The following AFF3 variants were observed in gnomAD, a reference collection of about 807,000 sequenced individuals.
AFF3 encodes the protein AF4/FMR2 family member 3.
In AFF3, 32 loss-of-function variants were observed where a neutral mutation model predicts 129.7. That is an observed-to-expected ratio of 0.25 (90% confidence interval 0.19 to 0.33). AFF3 has a LOEUF of 0.33. AFF3 is among the 10% of genes least tolerant of loss of function. The pLI, the probability that AFF3 is intolerant of heterozygous loss-of-function variation, is 1.00. For missense variants in AFF3, 1,373 were observed against 1,592.0 expected, an observed-to-expected ratio of 0.86 and a Z score of 2.34; for synonymous variants, 644 against 635.4, an observed-to-expected ratio of 1.01 and a Z score of -0.20.
chr2:99,819,244 A>G (rs1259559918), intron 8 of AFF3, among the ~76,000 whole-genome samples: 1 of 152,242 alleles, frequency 6.6e-6, no homozygotes. Flanking sequence ...GCTAAGTTGT[A>G]AAGAAAACTG....
At position 99,626,615 on chromosome 2, in the gene AFF3, G is replaced by T. The variant is rs530273901; in HGVS notation, c.1184+23011C>A. 2.0e-5 allele frequency among the ~76,000 whole-genome samples: 3 copies of T among 146,920 alleles called. No homozygotes were observed. The South Asian group carries it at 6.9e-4, about 34-fold the overall frequency. Reference sequence around the variant, plus strand: ...CTTTAAGGTCAGGGGTACATGTGCAGGTTTGTTATACAGGTAAACTTATGT... The same window carrying T: ...CTTTAAGGTCAGGGGTACATGTGCATGTTTGTTATACAGGTAAACTTATGT... On this transcript the variant is annotated intron_variant, in intron 13 of 24. Transcript: ENST00000672756.
In AFF3 at chr2:99,903,177, C is replaced by T. The variant is rs116339104; in HGVS notation, c.874-65653G>A. 4.6e-3 allele frequency among the ~76,000 whole-genome samples: 704 copies of T among 152,264 alleles called. 4 individuals carry two copies. The highest frequency in any genetic ancestry group is 0.011 in the African/African-American group (471 of 41,566). ...ATGCTACCAGTATAAGACACTACCA[C>T]GTTGTGTGCCATTTAGAGAGAAAAA... On this transcript the variant is annotated intron_variant, in intron 7 of 24. Transcript: ENST00000672756.
intron 11 of AFF3, among the ~76,000 whole-genome samples, chr2:99,691,972 G>A (rs1164779102): frequency 6.6e-6 from 1 of 152,216 alleles, no homozygotes; most frequent in African/African-American, 2.4e-5. Flanking sequence ...ATTTAGGATG[G>A]TCTAAAGTAT....
intron 8 of AFF3, among the ~76,000 whole-genome samples, chr2:99,825,260 T>C (rs1274277277): frequency 6.6e-6 from 1 of 152,224 alleles, no homozygotes; most frequent in Non-Finnish European, 1.5e-5. Context: ...TTAAAATATA[T>C]GATTATTATC....
chr2:99,858,143 G>A (rs1369491574), intron 7 of AFF3, among the ~76,000 whole-genome samples: 4 of 152,164 alleles, frequency 2.6e-5, no homozygotes, highest in African/African-American at 9.7e-5. Flanking sequence ...TATGGTTGAA[G>A]GAGGACTGAC....
intron 13 of AFF3, among the ~76,000 whole-genome samples, chr2:99,637,892 T>C (rs549449653): frequency 2.6e-5 from 4 of 152,362 alleles, no homozygotes; most frequent in Admixed American, 2.6e-4. Flanking sequence ...ATGTTGTCCT[T>C]GGTCTAGAAG....
chr2:99,560,511 T>G, intron 20 of AFF3, 75 bp from the exon 21 acceptor site: 1 of 1,364,986 alleles, frequency 7.3e-7, no homozygotes, highest in Non-Finnish European at 1.0e-6. Context: ...GCTTTTTTAT[T>G]AACAGAACTT....
intron 11 of AFF3, among the ~76,000 whole-genome samples, chr2:99,679,533 G>A (rs1674333955): frequency 6.6e-6 from 1 of 152,180 alleles, no homozygotes; most frequent in Non-Finnish European, 1.5e-5. Context: ...GATGCTGGAT[G>A]ATGTGTGTCT....
At position 99,737,333 on chromosome 2, in the gene AFF3, C is replaced by T. The variant is rs115708620; in HGVS notation, c.1039+6771G>A. 9.4e-3 allele frequency among the ~76,000 whole-genome samples: 1,425 copies of T among 152,238 alleles called. 12 individuals carry two copies. The highest frequency in any genetic ancestry group is 0.017 in the Middle Eastern group (5 of 294). On this transcript the variant is annotated intron_variant, in intron 10 of 24. Coordinates refer to ENST00000672756, the MANE Select transcript of AFF3 (RefSeq NM_001386135.1). The stretch of plus-strand genomic sequence containing the variant: ...TACTTTCACTGCATTTAATCTTTCT[C>T]GCACCTCACATTCCTTCTGAACAAA...
intron 8 of AFF3, among the ~76,000 whole-genome samples, chr2:99,791,884 C>G (rs1685219407): frequency 6.6e-6 from 1 of 150,452 alleles, no homozygotes; most frequent in African/African-American, 2.5e-5. Context: ...GTGCTCAGTG[C>G]TGTCTAGTGA....
rs890100989 is a variant in AFF3 at position 100,015,580 on chromosome 2, A to T, written c.54-6648T>A. Among the ~76,000 whole-genome samples the T allele has an allele frequency of 1.3e-5, 2 of 152,258 alleles. 1 individual carries two copies. Among genetic ancestry groups the T allele is most frequent in the South Asian group, 4.1e-4 (2 of 4,834 alleles). ...AATTTAATGAGTCAAACTAATTAAC[A>T]TCTCTTGTTATTTATAAAGCAAATG... On this transcript the variant is annotated intron_variant, in intron 4 of 24. Transcript: ENST00000672756.
intron 15 of AFF3, among the ~76,000 whole-genome samples, chr2:99,590,080 G>A (rs1024306714): frequency 5.3e-5 from 8 of 152,206 alleles, no homozygotes; most frequent in African/African-American, 1.9e-4. Context: ...CCTACCTGTG[G>A]TGCCCGAGTT....
intron 4 of AFF3, among the ~76,000 whole-genome samples, chr2:100,013,724 TA>T (rs1354724269): frequency 6.6e-6 from 1 of 152,168 alleles, no homozygotes; most frequent in Non-Finnish European, 1.5e-5. Flanking sequence ...AATTCTGGAA[TA>T]AAGTCTCAGC....
chr2:99,653,768 A>G (rs972048436), intron 12 of AFF3, among the ~76,000 whole-genome samples: 1 of 152,212 alleles, frequency 6.6e-6, no homozygotes, highest in Non-Finnish European at 1.5e-5. Flanking sequence ...CGAGGCACTA[A>G]GCAGTGTTCT....
intron 4 of AFF3, among the ~76,000 whole-genome samples, chr2:100,093,504 C>T (rs1429044608): frequency 6.6e-6 from 1 of 152,140 alleles, no homozygotes; most frequent in Non-Finnish European, 1.5e-5. Context: ...AACCAACATA[C>T]CCTACTTCCT....
chr2:99,610,569 T>A (rs1375232046), intron 13 of AFF3, among the ~76,000 whole-genome samples: 1 of 152,168 alleles, frequency 6.6e-6, no homozygotes, highest in East Asian at 1.9e-4. Flanking sequence ...GGTTCCTCTG[T>A]TTTTTAACCA....
chr2:100,065,336 C>T (rs1438418034), intron 4 of AFF3, among the ~76,000 whole-genome samples: 1 of 152,116 alleles, frequency 6.6e-6, no homozygotes, highest in Non-Finnish European at 1.5e-5. Context: ...TAAGGGTTAA[C>T]ATAAAAGAGT....
Position 99,786,423 on chromosome 2 carries a change from A to C in AFF3, c.922-34122T>G, listed in dbSNP as rs745470035. 3.9e-5 allele frequency among the ~76,000 whole-genome samples: 6 copies of C among 152,256 alleles called. 1 individual carries two copies. ...TGATTAAAGATTAACACGGCCATAAAGCGAAAGGTAGAATATTGAATGTTC... is the reference window on the plus strand; with the variant it reads ...TGATTAAAGATTAACACGGCCATAACGCGAAAGGTAGAATATTGAATGTTC... On this transcript the variant is annotated intron_variant, in intron 8 of 24. Coordinates refer to ENST00000672756, the MANE Select transcript of AFF3 (RefSeq NM_001386135.1).
chr2:99,971,622 A>C (rs371876885), intron 7 of AFF3, among the ~76,000 whole-genome samples: 3 of 152,348 alleles, frequency 2.0e-5, no homozygotes, highest in African/African-American at 7.2e-5. Context: ...TGTGCAGTCC[A>C]CTGTTGACTG....
Sources: gnomAD v4.1 joint callset for allele counts (sites outside exome capture counted in the v4.1 genomes callset) on GRCh38, gnomAD v4.1.1 for gene constraint, MANE v1.5 for transcripts, NCBI Gene and HGNC (gene_info 2026-07-23, HGNC 2026-07-21) for gene names.